Variants in NPFFR1 observed in about 807,000 individuals in gnomAD.
NPFFR1 encodes G-protein coupled receptor 147.
A neutral mutation model predicts 12.7 loss-of-function variants in NPFFR1; 17 were observed. The ratio of observed to expected loss-of-function variants is 1.34; its 90% CI spans 0.92 to 2.01. The LOEUF (loss-of-function observed/expected upper bound fraction) is 2.01, where lower values mean the gene tolerates loss of function less well. NPFFR1 is among the 30% of genes most tolerant of loss of function. The pLI is 0.00. For missense variants in NPFFR1, 604 were observed against 606.5 expected (o/e 1.00, Z 0.04); for synonymous variants, 296 against 264.5 (o/e 1.12, Z -1.16).
Position 70,255,364 on chromosome 10 carries a change from C to T in NPFFR1, c.886G>A (p.Gly296Arg), listed in dbSNP as rs778877265. 5 of 1,557,808 alleles carry T rather than the reference C, an allele frequency of 3.2e-6. No homozygotes were observed. Among genetic ancestry groups the T allele is most frequent in the Non-Finnish European group, 4.3e-6 (5 of 1,155,444 alleles). ...LWALLLLIDY[G>R]QLSAPQLHLV... ...TGCAGCTGCGGCGCGCTGAGCTGCC[C>T]GTAGTCGATGAGCAGCAGCAGCGCC... Residue 296 changes from glycine to arginine, a missense_variant, in exon 4 of 4, where the codon GGG becomes AGG. Gly to Arg is a moderately radical substitution (Grantham distance 125, BLOSUM62 -2). Transcript: ENST00000277942. This position sits in a 1 kb window ranked among gnomAD's most constrained non-coding sequence, Gnocchi z 4.2.
chr10:70,262,103 G>A (rs1446683445), intron 2 of NPFFR1, among the ~76,000 whole-genome samples: 1 of 152,248 alleles, frequency 6.6e-6, no homozygotes, highest in Non-Finnish European at 1.5e-5. Flanking sequence ...GAACTGGGTA[G>A]AAATAATGGA....
rs1384461813 is a variant in NPFFR1 at position 70,281,120 on chromosome 10, T to A, written c.7+2550A>T. The stretch of plus-strand genomic sequence containing the variant: ...TTTGTGATGCTCTCTGCCTGCCACA[T>A]CCCATTGGCCCAAAGATTTCAGCTG... On this transcript the variant is annotated intron_variant, in intron 1 of 3. Coordinates refer to ENST00000277942, the MANE Select transcript of NPFFR1 (RefSeq NM_022146.5). Among the ~76,000 whole-genome samples, 4 of 152,184 alleles carry A rather than the reference T, an allele frequency of 2.6e-5. No homozygotes were observed. In the East Asian group the frequency reaches 5.8e-4, roughly 22 times the overall value.
chr10:70,282,850 T>C (rs1840876624), intron 1 of NPFFR1, among the ~76,000 whole-genome samples: 1 of 152,174 alleles, frequency 6.6e-6, no homozygotes, highest in African/African-American at 2.4e-5. Context: ...TCTGGTAAAG[T>C]GGGAGCAAGC....
chr10:70,277,886 A>C lies in NPFFR1; in HGVS notation c.7+5784T>G, dbSNP rs1430926434. 8 of 509,590 alleles carry C rather than the reference A, an allele frequency of 1.6e-5. No individual in the cohort carries two copies. In the East Asian group the frequency reaches 3.9e-4, roughly 25 times the overall value. The allele number at this position is 509,590 out of a possible 1,614,324, so 31.6% of individuals were successfully genotyped here. A position where few individuals can be genotyped will look rare whatever the true frequency, so the allele number is the denominator to read the frequency against. On this transcript the variant is annotated intron_variant, in intron 1 of 3. Transcript: ENST00000277942. ...GGTTACTGCCCGGCTAACCATAGCA[A>C]CTCTGCAGGGGGCTTGGCAGACTGC...
chr10:70,265,953 C>T, intron 2 of NPFFR1, 124 bp downstream of exon 2: 3 of 855,236 alleles, frequency 3.5e-6, no homozygotes, highest in Admixed American at 4.8e-5. Flanking sequence ...AGTTCGAGAC[C>T]ACGGCATGGC....
intron 1 of NPFFR1, among the ~76,000 whole-genome samples, chr10:70,272,245 A>AAAGAG (rs1472672575): frequency 0.087 from 1,706 of 19,530 alleles, 17 homozygotes; most frequent in African/African-American, 0.12. Flanking sequence ...AGAAAGAAAG[A>AAAGAG]AGAAAGAAGA....
At position 70,248,151 on chromosome 10, in the gene NPFFR1, T is replaced by TG. The variant is rs1840469073; in HGVS notation, c.*6805dup. On this transcript the variant is annotated 3_prime_UTR_variant, in exon 4 of 4. Transcript: ENST00000277942. ...AGCAGCTTGGGGAATGGCAAAAACC[T>TG]GGACTTTGTGGTCAGATAGACTAAG... 1 of 152,220 alleles carries TG rather than the reference T, an allele frequency of 6.6e-6. No homozygotes were observed. Among genetic ancestry groups the TG allele is most frequent in the South Asian group, 2.1e-4 (1 of 4,836 alleles). 9.4% of individuals were successfully genotyped at this position (152,220 alleles called of 1,614,324 possible).
At chr10:70,282,186 C>T (rs1840870799) in intron 1 of NPFFR1, among the ~76,000 whole-genome samples, 1 of 152,086 alleles carries the variant, frequency 6.6e-6, no homozygotes, top group Non-Finnish European at 1.5e-5. Flanking sequence ...TTGATGTCTT[C>T]TTCCTATCGC....
intron 1 of NPFFR1, among the ~76,000 whole-genome samples, chr10:70,274,401 A>G (rs946622995): frequency 1.3e-5 from 2 of 151,478 alleles, no homozygotes; most frequent in Non-Finnish European, 2.9e-5. Flanking sequence ...ATGAGCTGAG[A>G]TCGCACCACA....
chr10:70,254,908 C>T lies in NPFFR1; in HGVS notation c.*49G>A, dbSNP rs1389318752. The T allele has an allele frequency of 7.9e-6, 11 of 1,384,834 alleles. No individual in the cohort carries two copies. Among genetic ancestry groups the T allele is most frequent in the African/African-American group, 3.1e-5 (2 of 65,348 alleles). 85.8% of individuals were successfully genotyped at this position (1,384,834 alleles called of 1,614,324 possible). A position where few individuals can be genotyped will look rare whatever the true frequency, so the allele number is the denominator to read the frequency against. On this transcript the variant is annotated 3_prime_UTR_variant, in exon 4 of 4. Coordinates refer to ENST00000277942, the MANE Select transcript of NPFFR1 (RefSeq NM_022146.5). ...AGGCCGCTATCGCCTGCATGTATCT[C>T]GTGTCCAATCGGGGCCCTGAGGCAG...
rs1840491429 is a variant in NPFFR1, at chr10:70,249,767, G to A, written c.*5190C>T. 2.0e-5 allele frequency: 3 copies of A among 151,982 alleles called. No homozygotes were observed. The South Asian group carries it at 6.2e-4, about 32-fold the overall frequency. 9.4% of individuals were successfully genotyped at this position (151,982 alleles called of 1,614,324 possible). On this transcript the variant is annotated 3_prime_UTR_variant, in exon 4 of 4. Transcript: ENST00000277942. ...CAAAGTGCTGGGATTACAGGTGTGA[G>A]CCACCGCACCCAGCCAAAATCATGT...
chr10:70,275,737 TCTC>T (rs1420216798), intron 1 of NPFFR1, among the ~76,000 whole-genome samples: 1 of 152,198 alleles, frequency 6.6e-6, no homozygotes, highest in Admixed American at 6.5e-5. Context: ...GGCTATGAAT[TCTC>T]CTAGACACAC....
chr10:70,254,869 C>A lies in NPFFR1; in HGVS notation c.*88G>T. 7.5e-7 allele frequency: 1 copy of A among 1,338,338 alleles called. No homozygotes were observed. Among genetic ancestry groups the A allele is most frequent in the Non-Finnish European group, 9.6e-7 (1 of 1,044,264 alleles). 82.9% of individuals were successfully genotyped at this position (1,338,338 alleles called of 1,614,324 possible). ...TGGAGAGGGAGGGACCACGCATCCT[C>A]ACCTAACCACACCAGGCCGCTATCG... On this transcript the variant is annotated 3_prime_UTR_variant, in exon 4 of 4. Coordinates refer to ENST00000277942, the MANE Select transcript of NPFFR1 (RefSeq NM_022146.5).
At position 70,253,427 on chromosome 10, in the gene NPFFR1, C is replaced by A. The variant is rs1198075534; in HGVS notation, c.*1530G>T. ...GACAAATTTTAATCTAAATCCTGCC[C>A]CTCTGTGGCCCTGGAAACTTGGCCC... On this transcript the variant is annotated 3_prime_UTR_variant, in exon 4 of 4. Coordinates refer to ENST00000277942, the MANE Select transcript of NPFFR1 (RefSeq NM_022146.5). 6.6e-6 allele frequency: 1 copy of A among 152,166 alleles called. No individual in the cohort carries two copies. 9.4% of individuals were successfully genotyped at this position (152,166 alleles called of 1,614,324 possible).
In NPFFR1 at chr10:70,248,740, C is replaced by T. The variant is rs555755864; in HGVS notation, c.*6217G>A. The T allele has an allele frequency of 1.3e-5, 2 of 151,740 alleles. No homozygotes were observed. Among genetic ancestry groups the T allele is most frequent in the East Asian group, 3.9e-4 (2 of 5,112 alleles). 9.4% of individuals were successfully genotyped at this position (151,740 alleles called of 1,614,324 possible). ...ACCTCAAGTGATCGACCCACCTCGGCCTCCCAAAGTGCTGGGATTACAGGC... is the reference window on the plus strand; with the variant it reads ...ACCTCAAGTGATCGACCCACCTCGGTCTCCCAAAGTGCTGGGATTACAGGC... On this transcript the variant is annotated 3_prime_UTR_variant, in exon 4 of 4. Transcript: ENST00000277942.
At chr10:70,266,035 G>C (rs770617245) in intron 2 of NPFFR1, 42 bp downstream of exon 2, 2 of 1,541,496 alleles carry the variant, frequency 1.3e-6, no homozygotes, top group Admixed American at 1.7e-5. Flanking sequence ...AAGTTGAAGT[G>C]GGGGGTAGGG....
intron 1 of NPFFR1, among the ~76,000 whole-genome samples, chr10:70,270,778 G>T (rs542333048): frequency 6.6e-6 from 1 of 152,196 alleles, no homozygotes; most frequent in African/African-American, 2.4e-5. Context: ...CCTGGGATCT[G>T]CCAGGTGCCC....
chr10:70,274,848 G>C (rs1035872937), intron 1 of NPFFR1, among the ~76,000 whole-genome samples: 1 of 152,196 alleles, frequency 6.6e-6, no homozygotes, highest in Middle Eastern at 3.2e-3. Context: ...TCGCAGTGTG[G>C]TTTCAGTTCA....
intron 1 of NPFFR1, among the ~76,000 whole-genome samples, chr10:70,280,084 T>C (rs1022348054): frequency 6.6e-6 from 1 of 152,270 alleles, no homozygotes; most frequent in African/African-American, 2.4e-5. Flanking sequence ...CTGAATAGTA[T>C]TCCATTGTGT....
Sources: gnomAD v4.1 joint callset for allele counts (sites outside exome capture counted in the v4.1 genomes callset) on GRCh38, gnomAD v4.1.1 for gene constraint, Gnocchi (gnomAD v3.1) non-coding constraint, MANE v1.5 for transcripts, NCBI Gene and HGNC (gene_info 2026-07-23, HGNC 2026-07-21) for gene names.